Variants in KLF12 observed in about 807,000 individuals in gnomAD.
KLF12 encodes KLF transcription factor 12, also known as Krueppel-like factor 12.
KLF12 carries 9 observed loss-of-function variants against 37.8 expected under a neutral mutation model. The ratio of observed to expected loss-of-function variants is 0.24; its 90% CI spans 0.14 to 0.42. The LOEUF (loss-of-function observed/expected upper bound fraction) is 0.42. Among genes scored for constraint, KLF12 ranks in the 10% least tolerant of loss-of-function variants. KLF12 has a pLI of 1.00. For missense variants in KLF12, 411 were observed against 516.0 expected, an observed-to-expected ratio of 0.80 and a Z score of 1.97; for synonymous variants, 208 against 202.1, an observed-to-expected ratio of 1.03 and a Z score of -0.25.
chr13:74,206,463 A>G, the KLF12 span, among the ~76,000 whole-genome samples: 1 of 152,148 alleles, frequency 6.6e-6, no homozygotes, highest in African/African-American at 2.4e-5. Flanking sequence ...ACCACTTTTG[A>G]GTAGCCCATT....
At chr13:74,113,724 C>T (rs957566382) in intron 1 of KLF12, among the ~76,000 whole-genome samples, 1 of 152,086 alleles carries the variant, frequency 6.6e-6, no homozygotes, top group African/African-American at 2.4e-5. Context: ...TTTCTGCAGC[C>T]CAAGGATCAA....
chr13:73,695,745 T>C, intron 7 of KLF12, 74 bp from the exon 8 acceptor site: 1 of 1,372,246 alleles, frequency 7.3e-7, no homozygotes, highest in Non-Finnish European at 1.0e-6. Flanking sequence ...GTACTCTATT[T>C]TGGGAAACTG....
At chr13:73,992,212 C>A (rs1483521945) in intron 2 of KLF12, among the ~76,000 whole-genome samples, 1 of 152,130 alleles carries the variant, frequency 6.6e-6, no homozygotes, top group Non-Finnish European at 1.5e-5. Flanking sequence ...AAGCAAGGAG[C>A]CAGGTCCACA....
intron 6 of KLF12, among the ~76,000 whole-genome samples, chr13:73,748,412 T>C (rs886674767): frequency 2.6e-5 from 4 of 152,186 alleles, no homozygotes; most frequent in South Asian, 2.1e-4. Flanking sequence ...TATCTGGAGA[T>C]GGGGCCTTTG....
chr13:74,165,890 G>A, the KLF12 span, among the ~76,000 whole-genome samples: 2 of 152,260 alleles, frequency 1.3e-5, no homozygotes, highest in South Asian at 2.1e-4. Flanking sequence ...TGAGGTTAGA[G>A]GACCTCTGCC....
the KLF12 span, among the ~76,000 whole-genome samples, chr13:74,165,093 G>A: frequency 2.6e-5 from 4 of 152,094 alleles, no homozygotes; most frequent in African/African-American, 4.8e-5. Context: ...TGCCTGAGGT[G>A]ATGGATACCC....
chr13:74,058,205 G>T (rs1873359354), intron 1 of KLF12, among the ~76,000 whole-genome samples: 1 of 151,824 alleles, frequency 6.6e-6, no homozygotes, highest in Non-Finnish European at 1.5e-5. Flanking sequence ...GACCTCAACT[G>T]ATCCACCCGC....
chr13:74,184,914 A>G, the KLF12 span, among the ~76,000 whole-genome samples: 1 of 152,228 alleles, frequency 6.6e-6, no homozygotes, highest in African/African-American at 2.4e-5. Flanking sequence ...ACTTCAGTAA[A>G]TGTTCTGCAG....
chr13:74,051,850 A>G (rs1367652511), intron 1 of KLF12, among the ~76,000 whole-genome samples: 1 of 152,176 alleles, frequency 6.6e-6, no homozygotes, highest in Non-Finnish European at 1.5e-5. Flanking sequence ...ACAATAATAT[A>G]GTGTGTATTT....
chr13:73,965,706 C>A (rs1466247903), intron 2 of KLF12, among the ~76,000 whole-genome samples: 1 of 152,214 alleles, frequency 6.6e-6, no homozygotes, highest in Non-Finnish European at 1.5e-5. Flanking sequence ...CACCTTTCAT[C>A]TTTCCCTTTC....
chr13:74,283,269 A>G, the KLF12 span, among the ~76,000 whole-genome samples: 2 of 152,226 alleles, frequency 1.3e-5, no homozygotes, highest in Non-Finnish European at 2.9e-5. Context: ...CGTTTACTTC[A>G]TGAATATTCT....
chr13:73,764,978 T>C lies in KLF12; in HGVS notation c.829A>G (p.Arg277Gly). ...TTATTCATTCGATTGCCCCGGACCC[T>C]TGATACTGGGGACGGATGTACCCTG... The change falls in exon 6 of 8, where the codon AGG becomes GGG. Residue 277 changes from arginine (R) to glycine (G), a missense_variant. Around this residue, in one of 2 missense-constraint regions of KLF12, gnomAD observed 351 missense variants for 397.8 expected, o/e 0.88. Coordinates refer to ENST00000377669, the MANE Select transcript of KLF12 (RefSeq NM_007249.5). 1 of 1,574,586 alleles carries C rather than the reference T, an allele frequency of 6.4e-7. No individual in the cohort carries two copies. The highest frequency in any genetic ancestry group is 8.7e-7 in the Non-Finnish European group (1 of 1,144,520).
At chr13:73,834,806 C>T (rs1323711295) in intron 4 of KLF12, among the ~76,000 whole-genome samples, 1 of 152,212 alleles carries the variant, frequency 6.6e-6, no homozygotes, top group Admixed American at 6.5e-5. Context: ...GCCACTGTGC[C>T]TGGTCCATTT....
chr13:74,235,991 A>T, the KLF12 span, among the ~76,000 whole-genome samples: 1 of 149,848 alleles, frequency 6.7e-6, no homozygotes, highest in Admixed American at 6.6e-5. Context: ...CATGTGCACA[A>T]TGTGCAGGTT....
chr13:74,263,877 G>A, the KLF12 span, among the ~76,000 whole-genome samples: 1 of 152,182 alleles, frequency 6.6e-6, no homozygotes. Flanking sequence ...ACTGATTTTG[G>A]AGTATACAAT....
rs140668181 is a variant in KLF12 at position 73,882,400 on chromosome 13, C to G, written c.124-36027G>C. On this transcript the variant is annotated intron_variant, in intron 3 of 7. Coordinates refer to ENST00000377669, the MANE Select transcript of KLF12 (RefSeq NM_007249.5). ...CGTGGAATATACAAAAACAGAGGAA[C>G]ATATTTGTACTTAGATTTTAATTTA... Among the ~76,000 whole-genome samples, 277 of 152,192 alleles carry G rather than the reference C, an allele frequency of 1.8e-3. 2 individuals are homozygous for G. The highest frequency in any genetic ancestry group is 6.3e-3 in the African/African-American group (260 of 41,526).
the KLF12 span, among the ~76,000 whole-genome samples, chr13:74,209,939 C>A: frequency 2.0e-5 from 3 of 152,280 alleles, no homozygotes; most frequent in Admixed American, 6.5e-5. Flanking sequence ...AATTCTTTGA[C>A]CAAATGTGTG....
chr13:74,095,624 A>T (rs145590132), intron 1 of KLF12, among the ~76,000 whole-genome samples: 1,889 of 152,300 alleles, frequency 0.012, 34 homozygotes, highest in African/African-American at 0.042. Flanking sequence ...CCTGGACTCA[A>T]GTGATCCTCC....
At position 73,826,436 on chromosome 13, in the gene KLF12, T is replaced by C. The variant is rs61957289; in HGVS notation, c.671-13149A>G. On this transcript the variant is annotated intron_variant, in intron 4 of 7. Coordinates refer to ENST00000377669, the MANE Select transcript of KLF12 (RefSeq NM_007249.5). The stretch of plus-strand genomic sequence containing the variant: ...ACTTGCTCCCTCATTAACTCGCTTA[T>C]AAACTTGTTACTTACAGATTTTCTT... 9.8e-3 allele frequency among the ~76,000 whole-genome samples: 1,494 copies of C among 152,342 alleles called. 12 individuals carry two copies. The highest frequency in any genetic ancestry group is 0.017 in the Non-Finnish European group (1,158 of 68,036).
Sources: gnomAD v4.1 joint callset for allele counts (sites outside exome capture counted in the v4.1 genomes callset) on GRCh38, gnomAD v4.1.1 for gene constraint, gnomAD v4.1.1 regional missense constraint, MANE v1.5 for transcripts, NCBI Gene and HGNC (gene_info 2026-07-23, HGNC 2026-07-21) for gene names.